Variants in SGMS1 observed in about 807,000 individuals in gnomAD.
SGMS1 encodes the protein sphingomyelin synthase 1, also known as phosphatidylcholine:ceramide cholinephosphotransferase 1.
Under a neutral mutation model 46.2 loss-of-function variants are expected in SGMS1, and 13 were observed. The observed-to-expected ratio is 0.28, with a 90% CI of 0.18 to 0.45. The LOEUF (loss-of-function observed/expected upper bound fraction) is 0.45. SGMS1 is among the 20% of genes least tolerant of loss of function. SGMS1 has a pLI of 1.00. For missense variants in SGMS1, 324 were observed against 519.9 expected (o/e 0.62, Z 3.66); for synonymous variants, 203 against 187.8 (o/e 1.08, Z -0.66).
chr10:50,459,183 C>G (rs1034122481), intron 5 of SGMS1, among the ~76,000 whole-genome samples: 7 of 152,124 alleles, frequency 4.6e-5, no homozygotes, highest in African/African-American at 1.7e-4. Flanking sequence ...AAAACAGAAT[C>G]AGTGAAGACA....
At chr10:50,552,688 C>G (rs148247077) in intron 2 of SGMS1, among the ~76,000 whole-genome samples, 1 of 152,192 alleles carries the variant, frequency 6.6e-6, no homozygotes. Flanking sequence ...CCCCGTCCCC[C>G]GCCAAAAGAT....
At chr10:50,602,396 T>C (rs1314139969) in intron 1 of SGMS1, among the ~76,000 whole-genome samples, 1 of 152,000 alleles carries the variant, frequency 6.6e-6, no homozygotes, top group Non-Finnish European at 1.5e-5. Context: ...GGGTAGTCCT[T>C]ATTTAACTCA....
At chr10:50,344,459 G>C (rs1472209941) in intron 6 of SGMS1, 114 bp from the exon 7 acceptor site, 1 of 204,388 alleles carries the variant, frequency 4.9e-6, no homozygotes, top group East Asian at 1.1e-4. Context: ...AAACTTAATA[G>C]TTTTCAAACA....
intron 2 of SGMS1, among the ~76,000 whole-genome samples, chr10:50,574,928 T>G (rs1433162727): frequency 8.3e-6 from 1 of 120,316 alleles, no homozygotes; most frequent in African/African-American, 2.8e-5. Flanking sequence ...TATATGTCAA[T>G]TAAAAGAATA....
At chr10:50,325,566 A>G (rs1847517891) in intron 8 of SGMS1, among the ~76,000 whole-genome samples, 1 of 152,222 alleles carries the variant, frequency 6.6e-6, no homozygotes, top group Non-Finnish European at 1.5e-5. Flanking sequence ...TTCTTAGGCA[A>G]AGAATTTTGG....
At chr10:50,586,172 C>T (rs1025037978) in intron 2 of SGMS1, among the ~76,000 whole-genome samples, 3 of 152,282 alleles carry the variant, frequency 2.0e-5, no homozygotes, top group Middle Eastern at 3.4e-3. Context: ...CTCTGAGGAA[C>T]ACTTTCTTAT....
chr10:50,532,373 T>G (rs1423598220), intron 2 of SGMS1, among the ~76,000 whole-genome samples: 1 of 152,106 alleles, frequency 6.6e-6, no homozygotes, highest in Non-Finnish European at 1.5e-5. Context: ...CTAGAATAAC[T>G]GGATAAATAA....
At chr10:50,625,064 C>A (rs758311503), upstream of SGMS1, 6 of 994,938 alleles carry the variant, frequency 6.0e-6, no homozygotes, top group African/African-American at 1.7e-5. Flanking sequence ...CTCTGGCCAC[C>A]GCTCGGCACC....
intron 3 of SGMS1, among the ~76,000 whole-genome samples, chr10:50,479,780 T>G (rs1041894072): frequency 1.3e-5 from 2 of 152,102 alleles, no homozygotes; most frequent in Non-Finnish European, 2.9e-5. Context: ...ATATATATTT[T>G]TTATATATAC....
chr10:50,310,535 A>C (rs1010684013), intron 9 of SGMS1, among the ~76,000 whole-genome samples: 2 of 152,210 alleles, frequency 1.3e-5, no homozygotes, highest in Non-Finnish European at 2.9e-5. Context: ...TAAATTTAAA[A>C]AACCACAAAA....
chr10:50,610,068 T>C lies in SGMS1; in HGVS notation c.-684+13639A>G, dbSNP rs149975060. Among the ~76,000 whole-genome samples, 27 of 152,256 alleles carry C rather than the reference T, an allele frequency of 1.8e-4. No homozygotes were observed. The East Asian group carries it at 5.2e-3, about 29-fold the overall frequency. On this transcript the variant is annotated intron_variant, in intron 1 of 10. Transcript: ENST00000361781. ...CTCAGTGGAAGACAGAAACACATTG[T>C]AGCATCATACGCACCTCCCCGCCTT...
chr10:50,502,624 T>C (rs568082579), intron 3 of SGMS1, among the ~76,000 whole-genome samples: 1 of 152,216 alleles, frequency 6.6e-6, no homozygotes. Context: ...CTCTTTAAAA[T>C]TGTGCAGATA....
intron 5 of SGMS1, chr10:50,460,176 A>G (rs1837246417): frequency 6.6e-6 from 1 of 152,204 alleles, no homozygotes; most frequent in Non-Finnish European, 1.5e-5. Flanking sequence ...AAAATGAGGT[A>G]AACATTTAAT....
intron 8 of SGMS1, among the ~76,000 whole-genome samples, chr10:50,316,753 C>T (rs757256768): frequency 1.3e-5 from 2 of 152,114 alleles, no homozygotes; most frequent in African/African-American, 2.4e-5. Flanking sequence ...AAATCCAATA[C>T]ACGAATCAAG....
At chr10:50,571,274 T>TAA (rs1838334372) in intron 2 of SGMS1, among the ~76,000 whole-genome samples, 1 of 152,276 alleles carries the variant, frequency 6.6e-6, no homozygotes, top group Non-Finnish European at 1.5e-5. Context: ...GCTACTTTGC[T>TAA]ATTGCCCAGG....
At chr10:50,522,324 A>G (rs1009386825) in intron 2 of SGMS1, among the ~76,000 whole-genome samples, 1 of 151,688 alleles carries the variant, frequency 6.6e-6, no homozygotes, top group African/African-American at 2.4e-5. Context: ...TTACTTTCTG[A>G]TATTAAAAAA....
At chr10:50,565,932 A>G (rs1320960982) in intron 2 of SGMS1, among the ~76,000 whole-genome samples, 1 of 152,200 alleles carries the variant, frequency 6.6e-6, no homozygotes, top group Non-Finnish European at 1.5e-5. Flanking sequence ...AGATAACCAC[A>G]CTTACAGTGT....
chr10:50,536,511 G>A (rs1838003484), intron 2 of SGMS1, among the ~76,000 whole-genome samples: 1 of 152,108 alleles, frequency 6.6e-6, no homozygotes, highest in African/African-American at 2.4e-5. Context: ...TGTTTTTATT[G>A]CTGTATTAAA....
intron 2 of SGMS1, among the ~76,000 whole-genome samples, chr10:50,581,387 TCA>T (rs2131877131): frequency 6.6e-6 from 1 of 152,318 alleles, no homozygotes; most frequent in Admixed American, 6.5e-5. Context: ...AGAATAATGA[TCA>T]CAGAGTTGTG....
Sources: gnomAD v4.1 joint callset for allele counts (sites outside exome capture counted in the v4.1 genomes callset) on GRCh38, gnomAD v4.1.1 for gene constraint, MANE v1.5 for transcripts, NCBI Gene and HGNC (gene_info 2026-07-23, HGNC 2026-07-21) for gene names.